The following NEB variants were observed in gnomAD, a reference collection of about 807,000 sequenced individuals.
The protein encoded by NEB is nemaline myopathy type 2.
NEB carries 512 observed loss-of-function variants against 952.2 expected under a neutral mutation model. The observed-to-expected ratio is 0.54, with a 90% CI of 0.50 to 0.58. NEB has a LOEUF of 0.58. Among genes scored for constraint, NEB ranks in the 20% least tolerant of loss-of-function variants. NEB has a pLI of 0.00. For missense variants in NEB, 8,428 were observed against 9,231.1 expected (o/e 0.91, Z 3.56); for synonymous variants, 2,900 against 3,149.8 (o/e 0.92, Z 2.66).
At position 151,639,264 on chromosome 2, in the gene NEB, A is replaced by G. The variant is rs2098817300; in HGVS notation, c.8994+16T>C. On this transcript the variant is annotated intron_variant, in intron 63 of 181. Transcript: ENST00000397345. The stretch of plus-strand genomic sequence containing the variant: ...AATAAGCAGCAGTGTGCAAATGTCA[A>G]AGAATCTGCTCTCACCTCACTGTAG... The G allele has an allele frequency of 2.6e-6, 4 of 1,516,156 alleles. No homozygotes were observed. Among genetic ancestry groups the G allele is most frequent in the Non-Finnish European group, 3.5e-6 (4 of 1,127,218 alleles). 93.9% of individuals were successfully genotyped at this position (1,516,156 alleles called of 1,614,324 possible). A position where few individuals can be genotyped will look rare whatever the true frequency, so the allele number is the denominator to read the frequency against.
chr2:151,705,532 T>C (rs962500683), intron 13 of NEB, among the ~76,000 whole-genome samples: 1 of 152,072 alleles, frequency 6.6e-6, no homozygotes, highest in Admixed American at 6.5e-5. Flanking sequence ...CTTAAAGAAC[T>C]GAAAATAGAA....
Position 151,650,737 on chromosome 2 carries a change from G to C in NEB, c.7064C>G (p.Thr2355Ser). Residue 2355 changes from threonine (T) to serine (S), a missense_variant, in exon 53 of 182, where the codon ACT becomes AGT. Physicochemically the swap from Thr to Ser is moderately conservative, Grantham distance 58 (BLOSUM62 1). This residue lies in a region of NEB where 1,772 missense variants were observed against 1,960.3 expected (regional missense o/e 0.90). Transcript: ENST00000397345. ...EYKKDFEKWKTKFSSPVDMLG... is the reference protein window; with the variant it reads ...EYKKDFEKWKSKFSSPVDMLG... ...CATGTCCACTGGGCTGGAGAACTTA[G>C]TTTTCCACTTCTCAAAGTCCTTCTT... 6.2e-7 allele frequency: 1 copy of C among 1,613,916 alleles called. No homozygotes were observed.
intron 120 of NEB, 35 bp downstream of exon 120, chr2:151,562,576 T>C (rs775958407): frequency 5.9e-6 from 9 of 1,523,042 alleles, no homozygotes; most frequent in Non-Finnish European, 8.0e-6. Context: ...TCATGGAAGC[T>C]GTAGCTGAGT....
At chr2:151,688,780 T>C (rs1576403287) in intron 24 of NEB, among the ~76,000 whole-genome samples, 1 of 152,210 alleles carries the variant, frequency 6.6e-6, no homozygotes. Flanking sequence ...ATAAAAGTTA[T>C]GTGGATGTGG....
intron 71 of NEB, among the ~76,000 whole-genome samples, 176 bp downstream of exon 71, chr2:151,625,358 C>A (rs549092959): frequency 6.6e-6 from 1 of 152,098 alleles, no homozygotes; most frequent in Non-Finnish European, 1.5e-5. Flanking sequence ...AATCTATCTA[C>A]CTTTCTATCT....
At chr2:151,627,229 G>A (rs747118508) in intron 69 of NEB, 24 bp from the exon 70 acceptor site, 15 of 1,597,932 alleles carry the variant, frequency 9.4e-6, no homozygotes, top group African/African-American at 5.4e-5. Context: ...ACACAAAAGC[G>A]AGTATTACTG....
At chr2:151,688,243 T>C in intron 25 of NEB, 49 bp downstream of exon 25, 2 of 1,372,454 alleles carry the variant, frequency 1.5e-6, no homozygotes, top group South Asian at 2.5e-5. Flanking sequence ...TAAAACATTT[T>C]CTCTTTTCAT....
chr2:151,524,479 TG>T (rs1172955576), intron 152 of NEB, 35 bp downstream of exon 152: 1 of 1,613,020 alleles, frequency 6.2e-7, no homozygotes, highest in African/African-American at 1.3e-5. Context: ...TGGCAATGGC[TG>T]TTGGGGACTG....
intron 28 of NEB, among the ~76,000 whole-genome samples, chr2:151,684,058 A>G (rs2099461152): frequency 6.6e-6 from 1 of 152,158 alleles, no homozygotes; most frequent in African/African-American, 2.4e-5. Context: ...GCCACAAGCT[A>G]GGGGAAGAAG....
At position 151,629,627 on chromosome 2, in the gene NEB, T is replaced by C. The variant is rs139548702; in HGVS notation, c.9743A>G (p.Asn3248Ser). The change falls in exon 68 of 182, where the codon AAT (asparagine) becomes AGT (serine). Residue 3248 changes from asparagine (N) to serine (S), a missense_variant. Asn to Ser is a conservative substitution (Grantham distance 46). Around this residue, in one of 11 missense-constraint regions of NEB, gnomAD observed 1,772 missense variants for 1,960.3 expected, o/e 0.90. Transcript: ENST00000397345. ...NYSETLYKLA[N>S]EEAKKKGYDL... ...GTAGCCTTTCTTTTTTGCTTCTTCA[T>C]TGGCAAGTTTGTATAGAGTCTATGA... 1.0e-4 allele frequency: 168 copies of C among 1,613,670 alleles called. No individual in the cohort carries two copies. Among genetic ancestry groups the C allele is most frequent in the Non-Finnish European group, 1.3e-4 (156 of 1,179,674 alleles).
At position 151,636,334 on chromosome 2, in the gene NEB, T is replaced by G. The variant is rs781553802; in HGVS notation, c.8995A>C (p.Ser2999Arg). Reference sequence around the variant, plus strand: ...TCTTCATTAGCAAGTTTGTACAGACTCTAAATTTGGGGGAAAAAAAATCAG... The same window carrying G: ...TCTTCATTAGCAAGTTTGTACAGACGCTAAATTTGGGGGAAAAAAAATCAG... ...ARMNKINYSESLYKLANEEAK... is the reference protein window; with the variant it reads ...ARMNKINYSERLYKLANEEAK... The change falls in exon 64 of 182, where the codon AGT (serine) becomes CGT (arginine). Residue 2999 changes from serine to arginine, a missense_variant and splice_region_variant. By Grantham distance (110) the Ser-to-Arg change is moderately radical. This residue lies in a region of NEB where 1,772 missense variants were observed against 1,960.3 expected (regional missense o/e 0.90). Transcript: ENST00000397345. 6.2e-7 allele frequency: 1 copy of G among 1,601,626 alleles called. No individual in the cohort carries two copies. Among genetic ancestry groups the G allele is most frequent in the Non-Finnish European group, 8.5e-7 (1 of 1,178,018 alleles).
At chr2:151,521,111 A>C (rs1183070415) in intron 153 of NEB, among the ~76,000 whole-genome samples, 1 of 152,142 alleles carries the variant, frequency 6.6e-6, no homozygotes, top group East Asian at 1.9e-4. Context: ...TGTTAAGATG[A>C]AAGACTCACT....
intron 77 of NEB, among the ~76,000 whole-genome samples, chr2:151,613,758 TC>T (rs1275273939): frequency 6.6e-6 from 1 of 152,088 alleles, no homozygotes. Flanking sequence ...GTGTAGCACT[TC>T]CCCCTTTGCT....
intron 29 of NEB, among the ~76,000 whole-genome samples, chr2:151,681,542 C>G (rs1234260024): frequency 1.3e-5 from 2 of 152,216 alleles, no homozygotes; most frequent in African/African-American, 4.8e-5. Context: ...CTTCAGACTT[C>G]TAAAAACCAC....
At position 151,672,574 on chromosome 2, in the gene NEB, T is replaced by A. The variant is rs375155384; in HGVS notation, c.4094A>T (p.Gln1365Leu). ...LVHYMNVAKL[Q>L]SDREYKKNYE... ...GTTCTTCTTGTATTCACGATCAGAC[T>A]GCAGCTTTGCCACATTCATATAGTG... Residue 1365 changes from glutamine to leucine, a missense_variant, in exon 37 of 182, where the codon CAG becomes CTG. Physicochemically the swap from Gln to Leu is moderately radical, Grantham distance 113. Coordinates refer to ENST00000397345, the MANE Select transcript of NEB (RefSeq NM_001164508.2). 3.1e-6 allele frequency: 5 copies of A among 1,613,920 alleles called. No homozygotes were observed. Among genetic ancestry groups the A allele is most frequent in the Non-Finnish European group, 4.2e-6 (5 of 1,179,910 alleles).
chr2:151,642,896 G>T (rs781108179), intron 58 of NEB, 27 bp from the exon 59 acceptor site: 1 of 1,511,226 alleles, frequency 6.6e-7, no homozygotes, highest in Non-Finnish European at 9.1e-7. Context: ...AACATGACTG[G>T]TATAGGCCAG....
At chr2:151,704,593 G>A (rs972220732) in intron 13 of NEB, among the ~76,000 whole-genome samples, 72 of 152,308 alleles carry the variant, frequency 4.7e-4, no homozygotes, top group African/African-American at 1.7e-3. Flanking sequence ...TCAGAAAAGC[G>A]CAATATTCGG....
At chr2:151,624,523 T>C (rs2098481117) in intron 71 of NEB, among the ~76,000 whole-genome samples, 1 of 152,100 alleles carries the variant, frequency 6.6e-6, no homozygotes, top group Non-Finnish European at 1.5e-5. Flanking sequence ...CCAAGGCCAA[T>C]CAAATATCTA....
chr2:151,720,082 A>G (rs115202632), intron 9 of NEB, among the ~76,000 whole-genome samples: 1,899 of 152,184 alleles, frequency 0.012, 45 homozygotes, highest in African/African-American at 0.043. Context: ...CCTTCTTCAG[A>G]ATTCTGTTTA....
Sources: allele counts gnomAD v4.1 joint callset (sites outside exome capture counted in the v4.1 genomes callset), GRCh38; gene constraint gnomAD v4.1.1; regional missense constraint gnomAD v4.1.1; transcripts MANE v1.5; gene names NCBI Gene and HGNC (gene_info 2026-07-23, HGNC 2026-07-21).